Variants in SLC14A2 observed in about 807,000 individuals in gnomAD.
The protein encoded by SLC14A2 is solute carrier family 14 member 2.
A neutral mutation model predicts 104.6 loss-of-function variants in SLC14A2; 91 were observed. That is an observed-to-expected ratio of 0.87 (90% confidence interval 0.73 to 1.04). SLC14A2 has a LOEUF of 1.04. Among genes scored for constraint, SLC14A2 ranks in the 50% least tolerant of loss-of-function variants. SLC14A2 has a pLI of 0.00. For missense variants in SLC14A2, 1,189 were observed against 1,156.0 expected, an observed-to-expected ratio of 1.03 and a Z score of -0.41; for synonymous variants, 476 against 466.4, an observed-to-expected ratio of 1.02 and a Z score of -0.27.
chr18:45,376,066 G>A (rs1033547673), intron 1 of SLC14A2, among the ~76,000 whole-genome samples: 5 of 150,796 alleles, frequency 3.3e-5, no homozygotes, highest in East Asian at 3.9e-4. Flanking sequence ...CCACACCCCC[G>A]ACATGGACAT....
intron 1 of SLC14A2, among the ~76,000 whole-genome samples, chr18:45,372,376 G>A (rs1052811655): frequency 2.0e-5 from 3 of 151,638 alleles, no homozygotes; most frequent in Non-Finnish European, 2.9e-5. Flanking sequence ...ATAATCATAG[G>A]GTCGTAGAAT....
At chr18:45,385,814 T>G (rs1407364040) in intron 1 of SLC14A2, among the ~76,000 whole-genome samples, 1 of 152,162 alleles carries the variant, frequency 6.6e-6, no homozygotes, top group Non-Finnish European at 1.5e-5. Flanking sequence ...ATACAGATGT[T>G]AGGGTATTCC....
chr18:45,227,853 C>T (rs968853679), intron 1 of SLC14A2, among the ~76,000 whole-genome samples: 1 of 152,152 alleles, frequency 6.6e-6, no homozygotes, highest in East Asian at 1.9e-4. Flanking sequence ...TCTCTTGCTC[C>T]TTTCTTTAAC....
intron 1 of SLC14A2, among the ~76,000 whole-genome samples, chr18:45,240,217 G>A (rs112718922): frequency 0.12 from 17,899 of 148,560 alleles, 1,231 homozygotes; most frequent in African/African-American, 0.2. Flanking sequence ...CTGTCTCAGC[G>A]TCCCGAGTGG....
chr18:45,488,260 C>T (rs1263277789), intron 2 of SLC14A2, among the ~76,000 whole-genome samples: 3 of 151,804 alleles, frequency 2.0e-5, no homozygotes, highest in African/African-American at 4.8e-5. Context: ...TGGTGTGGAC[C>T]CCAGAGGAAA....
chr18:45,483,439 C>G (rs943071024), intron 2 of SLC14A2: 2 of 152,134 alleles, frequency 1.3e-5, no homozygotes, highest in Non-Finnish European at 2.9e-5. Flanking sequence ...TACAACCACA[C>G]GGGAGCTGTG....
the SLC14A2 span, among the ~76,000 whole-genome samples, chr18:45,179,273 C>G: frequency 6.6e-6 from 1 of 152,112 alleles, no homozygotes; most frequent in Non-Finnish European, 1.5e-5. Context: ...TGAGAAAGGT[C>G]GGAGAGGCCA....
chr18:45,181,275 G>A, the SLC14A2 span: 1 of 152,252 alleles, frequency 6.6e-6, no homozygotes, highest in Non-Finnish European at 1.5e-5. Context: ...CTTCAGGTGA[G>A]GGAATAATTG....
chr18:45,639,836 T>A lies in SLC14A2; in HGVS notation c.934T>A (p.Ser312Thr), dbSNP rs919853892. Residue 312 changes from serine to threonine, a missense_variant, in exon 7 of 20, where the codon TCC (serine) becomes ACC (threonine). Transcript: ENST00000255226. Reference protein sequence around the residue: ...GGVFLVALFISSPLICLHAAI... With the variant: ...GGVFLVALFITSPLICLHAAI... ...CGTGTTCCTGGTGGCTCTGTTCATC[T>A]CCTCGCCACTCATCTGCTTGCATGC... The A allele has an allele frequency of 1.2e-6, 2 of 1,613,876 alleles. No homozygotes were observed. The highest frequency in any genetic ancestry group is 1.7e-6 in the Non-Finnish European group (2 of 1,179,982).
At chr18:45,472,400 G>A (rs1439377129) in intron 1 of SLC14A2, among the ~76,000 whole-genome samples, 1 of 152,160 alleles carries the variant, frequency 6.6e-6, no homozygotes, top group African/African-American at 2.4e-5. Flanking sequence ...CCAGTAATGG[G>A]ATTGCTGGGT....
At chr18:45,542,035 GTTTTTTTTTTTTTTTTTTTTT>G (rs60977948) in intron 2 of SLC14A2, among the ~76,000 whole-genome samples, 8 of 54,206 alleles carry the variant, frequency 1.5e-4, no homozygotes, top group African/African-American at 4.4e-4. Flanking sequence ...AAGAGAGAGG[GTTTTTTTTTTTTTTTTTTTTT>G]TTTTTTTTTT....
Position 45,245,949 on chromosome 18 carries a change from A to C in SLC14A2, c.-125+32758A>C, listed in dbSNP as rs80036194. 5.5e-3 allele frequency among the ~76,000 whole-genome samples: 844 copies of C among 152,348 alleles called. 12 individuals carry two copies. The highest frequency in any genetic ancestry group is 0.019 in the African/African-American group (793 of 41,568). On this transcript the variant is annotated intron_variant, in intron 1 of 20. Coordinates refer to the SLC14A2 transcript ENST00000586448. ...TCTTTTAAAAGATGCTTTGAAAAGTAAGTCATGTTTCTAGAGCAGCTTCTG... is the reference window on the plus strand; with the variant it reads ...TCTTTTAAAAGATGCTTTGAAAAGTCAGTCATGTTTCTAGAGCAGCTTCTG...
intron 2 of SLC14A2, among the ~76,000 whole-genome samples, chr18:45,557,922 C>T (rs2044153257): frequency 6.6e-6 from 1 of 152,154 alleles, no homozygotes; most frequent in Admixed American, 6.5e-5. Flanking sequence ...CTGATGAATT[C>T]ACCCCATACC....
At chr18:45,377,085 G>T (rs1218857137) in intron 1 of SLC14A2, among the ~76,000 whole-genome samples, 2 of 152,122 alleles carry the variant, frequency 1.3e-5, no homozygotes, top group Non-Finnish European at 2.9e-5. Context: ...ACTATGCCCT[G>T]ATGCTACTTT....
At chr18:45,221,564 T>G (rs950911413) in intron 1 of SLC14A2, among the ~76,000 whole-genome samples, 1 of 151,678 alleles carries the variant, frequency 6.6e-6, no homozygotes, top group African/African-American at 2.4e-5. Context: ...CAAGAATGAG[T>G]GGGATGGGAG....
intron 2 of SLC14A2, among the ~76,000 whole-genome samples, chr18:45,518,986 A>G (rs527296719): frequency 2.0e-5 from 3 of 152,336 alleles, no homozygotes; most frequent in East Asian, 3.9e-4. Context: ...TACACAATCT[A>G]AATGCAAGCA....
chr18:45,562,674 T>A (rs1174774362), intron 2 of SLC14A2, among the ~76,000 whole-genome samples: 1 of 152,154 alleles, frequency 6.6e-6, no homozygotes, highest in Non-Finnish European at 1.5e-5. Context: ...TTTCCATTAC[T>A]CTGAGCAGAG....
intron 16 of SLC14A2, among the ~76,000 whole-genome samples, chr18:45,670,846 A>G (rs1193113116): frequency 6.6e-6 from 1 of 152,060 alleles, no homozygotes; most frequent in East Asian, 1.9e-4. Flanking sequence ...ATTTTTTTGT[A>G]GAGATCGCTC....
chr18:45,462,007 T>C (rs941312920), intron 1 of SLC14A2, among the ~76,000 whole-genome samples: 3 of 152,074 alleles, frequency 2.0e-5, no homozygotes, highest in African/African-American at 7.2e-5. Context: ...AACTGCACAG[T>C]TTTCCTAGTT....
Sources: allele counts gnomAD v4.1 joint callset (sites outside exome capture counted in the v4.1 genomes callset), GRCh38; gene constraint gnomAD v4.1.1; transcripts MANE v1.5; gene names NCBI Gene and HGNC (gene_info 2026-07-23, HGNC 2026-07-21).